The following THRAP3 variants were observed in gnomAD, a reference collection of about 807,000 sequenced individuals.
THRAP3 encodes the protein thyroid hormone receptor associated protein 3.
THRAP3 carries 16 observed loss-of-function variants against 101.0 expected under a neutral mutation model. The ratio of observed to expected loss-of-function variants is 0.16; its 90% CI spans 0.11 to 0.24. The LOEUF is 0.24. THRAP3 is among the 10% of genes least tolerant of loss of function. The pLI is 1.00. For missense variants in THRAP3, 989 were observed against 1,202.7 expected, an observed-to-expected ratio of 0.82 and a Z score of 2.63; for synonymous variants, 407 against 422.6, an observed-to-expected ratio of 0.96 and a Z score of 0.45.
chr1:36,283,668 AGC>A (rs1557445325), intron 3 of THRAP3, among the ~76,000 whole-genome samples: 2 of 3,208 alleles, frequency 6.2e-4, no homozygotes, highest in South Asian at 0.062. Context: ...TGAATTGATT[AGC>A]TGTTTATTTC....
rs1219150471 is a variant in THRAP3 at position 36,289,042 on chromosome 1, T to C, written c.1041-18T>C. The C allele has an allele frequency of 5.2e-6, 8 of 1,549,432 alleles. No homozygotes were observed. The highest frequency in any genetic ancestry group is 6.9e-6 in the Non-Finnish European group (8 of 1,152,378). On this transcript the variant is annotated intron_variant, in intron 4 of 11. Coordinates refer to ENST00000354618, the MANE Select transcript of THRAP3 (RefSeq NM_005119.4). ...TTAAGAAGCCTCTTGTGTCTCTCTC[T>C]TGTGTTTTTATAAATAGGTATCTAG...
intron 11 of THRAP3, among the ~76,000 whole-genome samples, chr1:36,303,493 G>A (rs1646055908): frequency 6.6e-6 from 1 of 152,148 alleles, no homozygotes; most frequent in Non-Finnish European, 1.5e-5. Context: ...AGTGCTCAGT[G>A]ACGTTTTTAT....
At chr1:36,292,004 A>G (rs774539725) in intron 6 of THRAP3, among the ~76,000 whole-genome samples, 2 of 152,092 alleles carry the variant, frequency 1.3e-5, no homozygotes, top group Non-Finnish European at 2.9e-5. Flanking sequence ...TTCCATCTGA[A>G]TATAAACTCA....
At chr1:36,237,374 A>C (rs1479258764) in intron 1 of THRAP3, among the ~76,000 whole-genome samples, 2 of 150,774 alleles carry the variant, frequency 1.3e-5, no homozygotes, top group Non-Finnish European at 3.0e-5. Context: ...AGGCTGAGGC[A>C]GGAGAATCGC....
At chr1:36,251,176 T>C (rs1023276008) in intron 1 of THRAP3, among the ~76,000 whole-genome samples, 1 of 152,178 alleles carries the variant, frequency 6.6e-6, no homozygotes, top group Non-Finnish European at 1.5e-5. Context: ...ACTTTAGTAG[T>C]AGTGCATGAC....
chr1:36,230,806 A>G, intron 1 of THRAP3, among the ~76,000 whole-genome samples: 1 of 152,188 alleles, frequency 6.6e-6, no homozygotes, highest in East Asian at 1.9e-4. Context: ...TGGCTCATAC[A>G]GTGTTGTACA....
At chr1:36,252,450 A>C (rs997745190) in intron 1 of THRAP3, among the ~76,000 whole-genome samples, 2 of 152,184 alleles carry the variant, frequency 1.3e-5, no homozygotes, top group Non-Finnish European at 2.9e-5. Context: ...GGCCATCTGC[A>C]CTAAATGCAT....
intron 1 of THRAP3, among the ~76,000 whole-genome samples, chr1:36,240,383 C>CT (rs1645141302): frequency 1.3e-5 from 2 of 152,188 alleles, no homozygotes; most frequent in South Asian, 4.1e-4. Context: ...AGTCTGATGT[C>CT]TAAGGGCAGG....
intron 1 of THRAP3, chr1:36,241,905 G>A (rs1462489248): frequency 1.3e-5 from 2 of 157,006 alleles, no homozygotes; most frequent in African/African-American, 4.8e-5. Flanking sequence ...AATTGTCATG[G>A]TTTTACTTCT....
upstream of THRAP3, among the ~76,000 whole-genome samples, chr1:36,221,619 T>C (rs145452435): frequency 1.4e-3 from 218 of 152,286 alleles, no homozygotes; most frequent in African/African-American, 4.9e-3. Flanking sequence ...GTTTTGCTCT[T>C]GTTGCCCAGG....
intron 1 of THRAP3, among the ~76,000 whole-genome samples, chr1:36,248,447 CT>C (rs35044035): frequency 0.78 from 87,627 of 112,220 alleles, 33,787 homozygotes; most frequent in East Asian, 0.88. Flanking sequence ...GCCTCAGCCT[CT>C]TTTTTTTTTT....
chr1:36,291,201 A>G (rs1645863966), intron 5 of THRAP3, among the ~76,000 whole-genome samples, 173 bp from the exon 6 acceptor site: 1 of 152,168 alleles, frequency 6.6e-6, no homozygotes, highest in African/African-American at 2.4e-5. Flanking sequence ...GAAGAGAGAG[A>G]TTTTGTATAT....
chr1:36,240,247 T>C (rs376801346), intron 1 of THRAP3, among the ~76,000 whole-genome samples: 1 of 152,066 alleles, frequency 6.6e-6, no homozygotes, highest in African/African-American at 2.4e-5. Flanking sequence ...CGTGGCTCAG[T>C]CCAAGTCTAA....
chr1:36,275,591 A>AG (rs1645649138), intron 2 of THRAP3, among the ~76,000 whole-genome samples: 1 of 95,288 alleles, frequency 1.0e-5, no homozygotes, highest in Admixed American at 1.3e-4. Flanking sequence ...TGTCTCAAAA[A>AG]AAAAAAAAAA....
rs1646079688 is a variant in THRAP3, at chr1:36,304,839, T to C, written c.*822T>C. ...CAACGGGGTGGAAACTGGAGGGCAGTGTCTGGTCTGTTTTCTAAGAAACTT... is the reference window on the plus strand; with the variant it reads ...CAACGGGGTGGAAACTGGAGGGCAGCGTCTGGTCTGTTTTCTAAGAAACTT... On this transcript the variant is annotated 3_prime_UTR_variant, in exon 12 of 12. Coordinates refer to ENST00000354618, the MANE Select transcript of THRAP3 (RefSeq NM_005119.4). 9.7e-6 allele frequency: 2 copies of C among 206,656 alleles called. No homozygotes were observed. The highest frequency in any genetic ancestry group is 3.8e-4 in the South Asian group (2 of 5,286). The allele number at this position is 206,656 out of a possible 1,614,324, so 12.8% of individuals were successfully genotyped here.
At chr1:36,296,849 A>G (rs2124635350) in intron 9 of THRAP3, 79 bp downstream of exon 9, 1 of 1,216,336 alleles carries the variant, frequency 8.2e-7, no homozygotes, top group Middle Eastern at 2.1e-4. Flanking sequence ...AGAACTTTCA[A>G]ATCAGAGGAG....
the THRAP3 span, among the ~76,000 whole-genome samples, chr1:36,213,909 GAGAAAGAAAGAAAGAA>G: frequency 2.3e-3 from 187 of 80,356 alleles, no homozygotes; most frequent in African/African-American, 5.8e-3. Flanking sequence ...AAGAAGGAAA[GAGAAAGAAAGAAAGAA>G]AGAAAGAAAG....
Position 36,292,567 on chromosome 1 carries a change from G to A in THRAP3, c.1919-31G>A, listed in dbSNP as rs148209690. ...TTATAGGCTTGAGCCACCATGCCTG[G>A]CCCATAATGTGTTTCTTTTAATCCC... On this transcript the variant is annotated intron_variant, in intron 6 of 11. Coordinates refer to ENST00000354618, the MANE Select transcript of THRAP3 (RefSeq NM_005119.4). 8.9e-6 allele frequency: 14 copies of A among 1,568,050 alleles called. No individual in the cohort carries two copies. The African/African-American group carries it at 1.8e-4, about 20-fold the overall frequency.
the THRAP3 span, among the ~76,000 whole-genome samples, chr1:36,211,179 G>A: frequency 6.6e-6 from 1 of 151,598 alleles, no homozygotes; most frequent in African/African-American, 2.4e-5. Context: ...GGAAAGCATA[G>A]AGAGACTCTG....
Sources: allele counts gnomAD v4.1 joint callset (sites outside exome capture counted in the v4.1 genomes callset), GRCh38; gene constraint gnomAD v4.1.1; transcripts MANE v1.5; gene names NCBI Gene and HGNC (gene_info 2026-07-23, HGNC 2026-07-21).